Variants in PCDH15 observed in about 807,000 individuals in gnomAD.
The protein encoded by PCDH15 is protocadherin-15.
PCDH15 carries 129 observed loss-of-function variants against 178.5 expected under a neutral mutation model. The ratio of observed to expected loss-of-function variants is 0.72; its 90% CI spans 0.63 to 0.84. The LOEUF (loss-of-function observed/expected upper bound fraction) is 0.84. PCDH15 is among the 40% of genes least tolerant of loss of function. The pLI, the probability that PCDH15 is intolerant of heterozygous loss-of-function variation, is 0.00. For synonymous variants in PCDH15, 800 were observed against 732.0 expected, an observed-to-expected ratio of 1.09 and a Z score of -1.50; for missense variants, 2,230 against 2,099.9, an observed-to-expected ratio of 1.06 and a Z score of -1.21.
chr10:55,338,655 C>A (rs866424155), intron 2 of PCDH15, among the ~76,000 whole-genome samples: 2 of 151,994 alleles, frequency 1.3e-5, no homozygotes, highest in Non-Finnish European at 2.9e-5. Context: ...GTAATCCCTG[C>A]CACTTGGGAT....
chr10:54,319,338 G>T (rs1564954112), intron 7 of PCDH15, among the ~76,000 whole-genome samples: 2 of 152,260 alleles, frequency 1.3e-5, no homozygotes, highest in Non-Finnish European at 1.5e-5. Flanking sequence ...AATAGCATAT[G>T]ATTCAAGCAT....
intron 2 of PCDH15, among the ~76,000 whole-genome samples, chr10:55,598,614 T>C (rs564506977): frequency 7.1e-6 from 1 of 140,952 alleles, no homozygotes; most frequent in African/African-American, 2.6e-5. Flanking sequence ...CATGGGATGG[T>C]AAGAAATGGG....
intron 17 of PCDH15, among the ~76,000 whole-genome samples, chr10:54,071,475 C>A (rs1475910373): frequency 6.6e-6 from 1 of 151,934 alleles, no homozygotes; most frequent in African/African-American, 2.4e-5. Context: ...CAAAAAAATG[C>A]ATTTTTTTAT....
chr10:54,468,949 A>G (rs1261662042), intron 3 of PCDH15, among the ~76,000 whole-genome samples: 1 of 152,120 alleles, frequency 6.6e-6, no homozygotes, highest in Non-Finnish European at 1.5e-5. Flanking sequence ...ATTTGATATA[A>G]CTGTAGCTAC....
chr10:53,979,136 A>G (rs1023512034), intron 21 of PCDH15, among the ~76,000 whole-genome samples: 1 of 152,162 alleles, frequency 6.6e-6, no homozygotes, highest in Non-Finnish European at 1.5e-5. Flanking sequence ...TCACACTGCT[A>G]TGGGGACATA....
intron 3 of PCDH15, among the ~76,000 whole-genome samples, chr10:54,408,140 T>A (rs1252897075): frequency 2.0e-5 from 3 of 150,890 alleles, no homozygotes; most frequent in Admixed American, 6.6e-5. Context: ...CTTCACTATA[T>A]TTAGGAACAT....
At chr10:54,201,058 A>G (rs11004134) in intron 10 of PCDH15, among the ~76,000 whole-genome samples, 32,791 of 152,124 alleles carry the variant, frequency 0.22, 5,287 homozygotes, top group African/African-American at 0.45. Flanking sequence ...TCCTCCACTC[A>G]TGGTCTTTTC....
chr10:54,493,546 A>T (rs755623039), intron 3 of PCDH15, among the ~76,000 whole-genome samples: 5 of 152,122 alleles, frequency 3.3e-5, no homozygotes, highest in Non-Finnish European at 7.4e-5. Flanking sequence ...CACTCTAAAG[A>T]GAAAACATCT....
intron 26 of PCDH15, among the ~76,000 whole-genome samples, chr10:53,889,550 A>G (rs1223019660): frequency 1.3e-5 from 2 of 152,146 alleles, no homozygotes; most frequent in African/African-American, 4.8e-5. Flanking sequence ...AAAAAAAATC[A>G]GACAAAATCA....
At chr10:55,206,799 T>G (rs531306307) in intron 1 of PCDH15, among the ~76,000 whole-genome samples, 6 of 152,204 alleles carry the variant, frequency 3.9e-5, no homozygotes, top group Non-Finnish European at 8.8e-5. Flanking sequence ...AGTACTTAAA[T>G]ATGGAATCAA....
At chr10:55,461,943 C>T (rs1470332774) in intron 2 of PCDH15, among the ~76,000 whole-genome samples, 2 of 152,088 alleles carry the variant, frequency 1.3e-5, no homozygotes, top group Non-Finnish European at 2.9e-5. Flanking sequence ...AACATCCTTA[C>T]TATGCCACTA....
intron 3 of PCDH15, among the ~76,000 whole-genome samples, chr10:54,476,499 T>C (rs1005342073): frequency 6.6e-6 from 1 of 152,110 alleles, no homozygotes; most frequent in African/African-American, 2.4e-5. Context: ...GGTAATAAGG[T>C]AAATTATTTG....
intron 15 of PCDH15, among the ~76,000 whole-genome samples, chr10:54,112,242 T>C (rs561889614): frequency 3.5e-4 from 54 of 152,268 alleles, no homozygotes; most frequent in South Asian, 1.7e-3. Context: ...TTGGTACCAA[T>C]GACATTTTTG....
At chr10:54,007,104 T>C (rs182597407) in intron 20 of PCDH15, among the ~76,000 whole-genome samples, 2 of 152,288 alleles carry the variant, frequency 1.3e-5, no homozygotes, top group Admixed American at 6.5e-5. Flanking sequence ...GCTTTTCAGA[T>C]TCATATTCAG....
chr10:54,604,925 T>A (rs2092684370), intron 2 of PCDH15, among the ~76,000 whole-genome samples: 1 of 151,792 alleles, frequency 6.6e-6, no homozygotes, highest in African/African-American at 2.4e-5. Context: ...GTAGTAGATT[T>A]TCTTTTTTAA....
Position 53,961,222 on chromosome 10 carries a change from T to G in PCDH15, c.3009+530A>C, listed in dbSNP as rs575328309. ...GTATTTTTTTCAAATTTTCTAGGAT[T>G]GTAATATATCAATCTTATCTTAAAA... On this transcript the variant is annotated intron_variant, in intron 22 of 37. Coordinates refer to ENST00000644397, the MANE Select transcript of PCDH15 (RefSeq NM_001384140.1). 8.5e-4 allele frequency among the ~76,000 whole-genome samples: 130 copies of G among 152,122 alleles called. No individual in the cohort carries two copies. In the Middle Eastern group the frequency reaches 0.014, roughly 16 times the overall value.
chr10:54,265,232 C>T (rs1439733368), intron 8 of PCDH15, among the ~76,000 whole-genome samples: 12 of 152,072 alleles, frequency 7.9e-5, no homozygotes, highest in African/African-American at 2.9e-4. Context: ...TTATCACCAC[C>T]AGACTAGCCC....
chr10:53,965,512 G>A (rs899293973), intron 21 of PCDH15, among the ~76,000 whole-genome samples: 1 of 152,138 alleles, frequency 6.6e-6, no homozygotes, highest in African/African-American at 2.4e-5. Context: ...ACATTTTTCA[G>A]TACTATCTTA....
chr10:54,201,173 T>C (rs1246695267), intron 10 of PCDH15, among the ~76,000 whole-genome samples: 1 of 152,188 alleles, frequency 6.6e-6, no homozygotes, highest in Non-Finnish European at 1.5e-5. Context: ...AACCACTTTT[T>C]TGAAAATTGA....
Sources: allele counts gnomAD v4.1 joint callset (sites outside exome capture counted in the v4.1 genomes callset), GRCh38; gene constraint gnomAD v4.1.1; transcripts MANE v1.5; gene names NCBI Gene and HGNC (gene_info 2026-07-23, HGNC 2026-07-21).